FAM163B: variants seen among roughly 807,000 people sequenced by gnomAD.
FAM163B encodes family with sequence similarity 163 member B.
FAM163B carries 4 observed loss-of-function variants against 7.6 expected under a neutral mutation model. The observed-to-expected ratio is 0.52, with a 90% CI of 0.26 to 1.20. The LOEUF is 1.20. Ranked by LOEUF, FAM163B falls within the 50% of genes most tolerant of loss-of-function variation. The pLI, the probability that FAM163B is intolerant of heterozygous loss-of-function variation, is 0.14. For synonymous variants in FAM163B, 120 were observed against 111.6 expected (o/e 1.07, Z -0.47); for missense variants, 250 against 243.0 (o/e 1.03, Z -0.19).
At position 133,579,563 on chromosome 9, in the gene FAM163B, C is replaced by T. The variant is rs1416793887; in HGVS notation, c.94-134G>A. ...GGGTGGCCCAAGCCCAGGCCTGACA[C>T]CTCAGCTGTTTAACCAGTGCTATGG... is the stretch of plus-strand genomic sequence containing the variant. On this transcript the variant is annotated intron_variant, in intron 2 of 2. Transcript: ENST00000673969. 2.2e-5 allele frequency: 25 copies of T among 1,129,796 alleles called. No homozygotes were observed. In the East Asian group the frequency reaches 6.2e-4, roughly 28 times the overall value. The allele number at this position is 1,129,796 out of a possible 1,614,324, so 70.0% of individuals were successfully genotyped here. A position where few individuals can be genotyped will look rare whatever the true frequency, so the allele number is the denominator to read the frequency against.
At chr9:133,591,239 C>A (rs185022271) in intron 1 of FAM163B, among the ~76,000 whole-genome samples, 1 of 152,356 alleles carries the variant, frequency 6.6e-6, no homozygotes, top group Admixed American at 6.5e-5. Flanking sequence ...CACTGGGCCC[C>A]TGTCTCCCAG....
At chr9:133,586,046 T>C (rs540418394) in intron 1 of FAM163B, 2 of 152,402 alleles carry the variant, frequency 1.3e-5, no homozygotes, top group African/African-American at 4.8e-5. Context: ...CTAGACCTCC[T>C]GCACATTTGT....
At position 133,609,121 on chromosome 9, in the gene FAM163B, C is replaced by A. The variant is rs1377550732; in HGVS notation, c.-68G>T. Among the ~76,000 whole-genome samples, 1 of 152,134 alleles carries A rather than the reference C, an allele frequency of 6.6e-6. No homozygotes were observed. Among genetic ancestry groups the A allele is most frequent in the African/African-American group, 2.4e-5 (1 of 41,456 alleles). On this transcript the variant is annotated 5_prime_UTR_variant, in exon 1 of 3. Transcript: ENST00000673969. ...GCTGCCCCGGCCGCGAGGACTTGGG[C>A]GCACGTGACGGGGCGGGCGGGCGTC...
chr9:133,602,662 C>T (rs1831744856), intron 1 of FAM163B, among the ~76,000 whole-genome samples: 1 of 151,982 alleles, frequency 6.6e-6, no homozygotes, highest in African/African-American at 2.4e-5. Flanking sequence ...GTGGGAAGTT[C>T]CATGAAGGTA....
intron 1 of FAM163B, among the ~76,000 whole-genome samples, chr9:133,588,595 T>G: frequency 1.0e-5 from 1 of 99,286 alleles, no homozygotes; most frequent in Non-Finnish European, 2.2e-5. Flanking sequence ...ATCTAGCATG[T>G]TGAGGGATCT....
intron 1 of FAM163B, among the ~76,000 whole-genome samples, chr9:133,582,478 AC>A (rs1831370832): frequency 6.6e-6 from 1 of 152,154 alleles, no homozygotes; most frequent in African/African-American, 2.4e-5. Context: ...ATCCGCTGCT[AC>A]CATCCACCTT....
At position 133,601,805 on chromosome 9, in the gene FAM163B, G is replaced by A. The variant is rs563228102; in HGVS notation, c.-24+7272C>T. Among the ~76,000 whole-genome samples, 4 of 152,336 alleles carry A rather than the reference G, an allele frequency of 2.6e-5. No individual in the cohort carries two copies. Among genetic ancestry groups the A allele is most frequent in the South Asian group, 4.1e-4 (2 of 4,822 alleles). On this transcript the variant is annotated intron_variant, in intron 1 of 2. Coordinates refer to ENST00000673969, the MANE Select transcript of FAM163B (RefSeq NM_001080515.3). This position sits in a 1 kb window ranked among gnomAD's most constrained non-coding sequence, Gnocchi z 4.1. Reference sequence around the variant, plus strand: ...TCTGACCACCATGGCGTCAGGGCGCGTCTCAGAAGGCTTGACTAAAGCTGG... The same window carrying A: ...TCTGACCACCATGGCGTCAGGGCGCATCTCAGAAGGCTTGACTAAAGCTGG...
At position 133,601,420 on chromosome 9, in the gene FAM163B, G is replaced by A. The variant is rs1320289523; in HGVS notation, c.-24+7657C>T. 6.6e-6 allele frequency among the ~76,000 whole-genome samples: 1 copy of A among 152,210 alleles called. No homozygotes were observed. Among genetic ancestry groups the A allele is most frequent in the Non-Finnish European group, 1.5e-5 (1 of 68,040 alleles). The stretch of plus-strand genomic sequence containing the variant: ...GTGTGCTGTTGAAAGGGTCTGTCTT[G>A]CAGGTGAGAGGATTTTTTAGAAACT... On this transcript the variant is annotated intron_variant, in intron 1 of 2. Coordinates refer to ENST00000673969, the MANE Select transcript of FAM163B (RefSeq NM_001080515.3). The surrounding 1 kb of genome is among the most constrained non-coding windows in gnomAD (Gnocchi z 4.1).
At chr9:133,605,743 G>A (rs565674667) in intron 1 of FAM163B, among the ~76,000 whole-genome samples, 2 of 152,250 alleles carry the variant, frequency 1.3e-5, no homozygotes, top group African/African-American at 2.4e-5. Context: ...AGCGTCCGGC[G>A]CTGCCTGAGC....
chr9:133,607,461 A>T (rs1421196519), intron 1 of FAM163B, among the ~76,000 whole-genome samples: 2 of 151,930 alleles, frequency 1.3e-5, no homozygotes, highest in Non-Finnish European at 2.9e-5. Flanking sequence ...AAGCTGCAAC[A>T]CCTCTGTGTG....
At chr9:133,588,250 T>C (rs1831471220) in intron 1 of FAM163B, among the ~76,000 whole-genome samples, 1 of 152,154 alleles carries the variant, frequency 6.6e-6, no homozygotes, top group East Asian at 1.9e-4. Flanking sequence ...CCACTGGCCC[T>C]GTCTGGGGCA....
At chr9:133,605,145 G>A (rs990124898) in intron 1 of FAM163B, among the ~76,000 whole-genome samples, 15 of 152,360 alleles carry the variant, frequency 9.8e-5, no homozygotes, top group East Asian at 3.9e-4. Flanking sequence ...TCGGGGCTGC[G>A]TGGGGTGGAG....
At chr9:133,593,737 C>T (rs1170063459) in intron 1 of FAM163B, among the ~76,000 whole-genome samples, 1 of 152,238 alleles carries the variant, frequency 6.6e-6, no homozygotes, top group African/African-American at 2.4e-5. Context: ...GGTGCTGGGG[C>T]CAGGGTCCCT....
intron 1 of FAM163B, among the ~76,000 whole-genome samples, chr9:133,582,507 A>T (rs1831371455): frequency 6.6e-6 from 1 of 152,054 alleles, no homozygotes; most frequent in Non-Finnish European, 1.5e-5. Flanking sequence ...CTGCCACCCT[A>T]CCCCGACTGC....
At position 133,600,512 on chromosome 9, in the gene FAM163B, G is replaced by A. The variant is rs545491425; in HGVS notation, c.-24+8565C>T. 2.0e-5 allele frequency among the ~76,000 whole-genome samples: 3 copies of A among 152,248 alleles called. 1 individual carries two copies. In the South Asian group the frequency reaches 6.2e-4, roughly 32 times the overall value. On this transcript the variant is annotated intron_variant, in intron 1 of 2. Coordinates refer to ENST00000673969, the MANE Select transcript of FAM163B (RefSeq NM_001080515.3). This position sits in a 1 kb window ranked among gnomAD's most constrained non-coding sequence, Gnocchi z 4.9. ...AGCCCCAGATGGCCCCTGCAGCTGGGCCTCTAGATTCCTGCAGTTCATTTA... is the reference window on the plus strand; with the variant it reads ...AGCCCCAGATGGCCCCTGCAGCTGGACCTCTAGATTCCTGCAGTTCATTTA...
At position 133,579,010 on chromosome 9, in the gene FAM163B, GGCGGGCCCAGGTCACACGTCGGTGCTGAT is replaced by G; in HGVS notation, c.484_*11del. ...GGACCTTCAAGGCCAGGATCCCGGG[GGCGGGCCCAGGTCACACGTCGGTGCTGAT>G]GCTGCGGCTCCTGGCGAAGGCCTCC... On this transcript the variant is annotated stop_lost and 3_prime_UTR_variant, in exon 3 of 3. Transcript: ENST00000673969. 1 of 1,493,524 alleles carries G rather than the reference GGCGGGCCCAGGTCACACGTCGGTGCTGAT, an allele frequency of 6.7e-7. No individual in the cohort carries two copies. The highest frequency in any genetic ancestry group is 8.9e-7 in the Non-Finnish European group (1 of 1,121,536). The allele number at this position is 1,493,524 out of a possible 1,614,324, so 92.5% of individuals were successfully genotyped here.
At chr9:133,604,786 G>A (rs1157720473) in intron 1 of FAM163B, among the ~76,000 whole-genome samples, 2 of 152,004 alleles carry the variant, frequency 1.3e-5, no homozygotes, top group Non-Finnish European at 2.9e-5. Context: ...GCTGGTCCCC[G>A]AACCCCATCT....
At chr9:133,580,098 T>C in intron 2 of FAM163B, 33 bp downstream of exon 2, 2 of 1,589,462 alleles carry the variant, frequency 1.3e-6, no homozygotes, top group South Asian at 1.1e-5. Flanking sequence ...TGGGCCTCCC[T>C]GCCCTGTCCC....
intron 1 of FAM163B, among the ~76,000 whole-genome samples, chr9:133,583,093 C>T (rs1831380451): frequency 6.6e-6 from 1 of 152,232 alleles, no homozygotes; most frequent in Non-Finnish European, 1.5e-5. Context: ...AATGAGGGCA[C>T]TCACACAGCT....
Sources: gnomAD v4.1 joint callset for allele counts (sites outside exome capture counted in the v4.1 genomes callset) on GRCh38, gnomAD v4.1.1 for gene constraint, Gnocchi (gnomAD v3.1) non-coding constraint, MANE v1.5 for transcripts, NCBI Gene and HGNC (gene_info 2026-07-23, HGNC 2026-07-21) for gene names.